Variants in MITD1 observed in about 807,000 individuals in gnomAD.
The protein encoded by MITD1 is MIT domain-containing protein 1.
MITD1 carries 24 observed loss-of-function variants against 34.9 expected under a neutral mutation model. That is an observed-to-expected ratio of 0.69 (90% CI 0.50 to 0.97). The LOEUF is 0.97. Ranked by LOEUF, MITD1 falls within the 50% of genes least tolerant of loss-of-function variation. MITD1 has a pLI of 0.00. For synonymous variants in MITD1, 102 were observed against 101.4 expected (o/e 1.01, Z -0.04); for missense variants, 266 against 294.6 (o/e 0.90, Z 0.71).
At chr2:99,166,570 G>A (rs1384292217), downstream of MITD1, among the ~76,000 whole-genome samples, 6 of 150,984 alleles carry the variant, frequency 4.0e-5, no homozygotes, top group Non-Finnish European at 8.8e-5. Flanking sequence ...CATCTGGCTC[G>A]AGATGTGTGT....
intron 1 of MITD1, among the ~76,000 whole-genome samples, chr2:99,179,524 T>C (rs2093904087): frequency 6.6e-6 from 1 of 152,192 alleles, no homozygotes; most frequent in South Asian, 2.1e-4. Context: ...ACTGTCATCA[T>C]TATCATCAAA....
intron 1 of MITD1, among the ~76,000 whole-genome samples, chr2:99,176,316 C>T (rs1026299318): frequency 6.7e-6 from 1 of 150,080 alleles, no homozygotes; most frequent in Admixed American, 6.8e-5. Flanking sequence ...CTGAATGAGG[C>T]CCAACACAAA....
downstream of MITD1, chr2:99,161,693 A>G (rs2093794217): frequency 9.2e-6 from 3 of 326,628 alleles, no homozygotes; most frequent in Non-Finnish European, 1.7e-5. Context: ...AAAAAGATAT[A>G]TTACATAATG....
exon 8 of MITD1, chr2:99,162,044 A>C: frequency 1.2e-6 from 2 of 1,614,194 alleles, no homozygotes; most frequent in Non-Finnish European, 1.7e-6. Context: ...AAACAGTAAA[A>C]AATGGGCTCA....
At chr2:99,171,484 C>A (rs1312533482) in intron 3 of MITD1, 26 bp downstream of exon 3, 4 of 1,588,544 alleles carry the variant, frequency 2.5e-6, no homozygotes, top group African/African-American at 2.7e-5. Context: ...TATGATATTT[C>A]ATTATATTTT....
chr2:99,164,249 T>C (rs755186330), intron 7 of MITD1, among the ~76,000 whole-genome samples: 3 of 152,172 alleles, frequency 2.0e-5, no homozygotes, highest in African/African-American at 7.2e-5. Context: ...CAAACCTTGA[T>C]TCATAATTTG....
intron 1 of MITD1, among the ~76,000 whole-genome samples, chr2:99,177,703 A>G (rs2093895929): frequency 6.6e-6 from 1 of 151,720 alleles, no homozygotes; most frequent in Admixed American, 6.6e-5. Context: ...GGGTTTCACC[A>G]TGTTGGCCAG....
intron 1 of MITD1, chr2:99,180,627 C>A (rs1464164236): frequency 1.9e-6 from 1 of 538,260 alleles, no homozygotes; most frequent in East Asian, 3.0e-5. Flanking sequence ...AGACTAGTAG[C>A]CTCCCCACCT....
At chr2:99,165,019 TACACACACAC>T (rs56958044), downstream of MITD1, among the ~76,000 whole-genome samples, 5,530 of 136,746 alleles carry the variant, frequency 0.04, 228 homozygotes, top group East Asian at 0.2. Context: ...CAAAATGGCA[TACACACACAC>T]ACACACACAC....
chr2:99,178,129 A>G (rs996135611), intron 1 of MITD1, among the ~76,000 whole-genome samples: 7 of 152,214 alleles, frequency 4.6e-5, no homozygotes, highest in African/African-American at 1.4e-4. Flanking sequence ...GCTATTATGA[A>G]TAGTGCTGCA....
chr2:99,165,841 T>C (rs113002648), downstream of MITD1, among the ~76,000 whole-genome samples: 64 of 152,190 alleles, frequency 4.2e-4, no homozygotes, highest in African/African-American at 1.4e-3. Flanking sequence ...ATGCAGAACA[T>C]CTGGAATGAT....
downstream of MITD1, among the ~76,000 whole-genome samples, chr2:99,165,019 T>TACACACACAC (rs56958044): frequency 1.7e-3 from 231 of 136,750 alleles, no homozygotes; most frequent in African/African-American, 6.2e-3. Context: ...CAAAATGGCA[T>TACACACACAC]ACACACACAC....
intron 7 of MITD1, chr2:99,163,217 C>A: frequency 1.9e-6 from 1 of 518,018 alleles, no homozygotes; most frequent in Non-Finnish European, 3.3e-6. Context: ...TAGTCTCTTT[C>A]AGTAACTTCT....
intron 1 of MITD1, among the ~76,000 whole-genome samples, chr2:99,179,860 G>A (rs2093906486): frequency 1.3e-5 from 2 of 152,126 alleles, no homozygotes; most frequent in African/African-American, 4.8e-5. Context: ...CACCGCGCCC[G>A]GCCGGTAGAG....
At chr2:99,164,292 C>G (rs1209683829), downstream of MITD1, among the ~76,000 whole-genome samples, 3 of 152,058 alleles carry the variant, frequency 2.0e-5, no homozygotes, top group South Asian at 4.2e-4. Flanking sequence ...ATGAGTCCCT[C>G]CAGCCCCCAT....
intron 2 of MITD1, 37 bp from the exon 3 acceptor site, chr2:99,171,683 CA>C (rs775297287): frequency 2.5e-5 from 40 of 1,572,196 alleles, no homozygotes; most frequent in Non-Finnish European, 3.1e-5. Flanking sequence ...AACCAGTGAC[CA>C]TTTTTTTTTT....
At chr2:99,172,302 C>T (rs921505983) in intron 2 of MITD1, 11 of 151,414 alleles carry the variant, frequency 7.3e-5, no homozygotes, top group African/African-American at 2.4e-4. Context: ...GCAGGAGAAT[C>T]ACTTGAACCC....
intron 7 of MITD1, chr2:99,162,277 A>G (rs141624243): frequency 1.9e-6 from 3 of 1,612,782 alleles, no homozygotes; most frequent in Non-Finnish European, 2.5e-6. Flanking sequence ...GGAACAGTCT[A>G]CCATGATATG....
chr2:99,174,914 C>T lies in MITD1; in HGVS notation c.152-898G>A, dbSNP rs528216836. Among the ~76,000 whole-genome samples the T allele has an allele frequency of 5.3e-5, 8 of 151,040 alleles. No individual in the cohort carries two copies. In the South Asian group the frequency reaches 8.4e-4, roughly 16 times the overall value. On this transcript the variant is annotated intron_variant, in intron 1 of 6. Coordinates refer to ENST00000289359, the MANE Select transcript of MITD1 (RefSeq NM_138798.3). ...CCCATTTTTGTATTTTTAGTAGAGA[C>T]GGCGTTTCACCATATTGGTTAGGCT...
Sources: allele counts gnomAD v4.1 joint callset (sites outside exome capture counted in the v4.1 genomes callset), GRCh38; gene constraint gnomAD v4.1.1; transcripts MANE v1.5; gene names NCBI Gene and HGNC (gene_info 2026-07-23, HGNC 2026-07-21).